Variants in PTPN4 observed in about 807,000 individuals in gnomAD.
PTPN4 encodes tyrosine-protein phosphatase non-receptor type 4.
PTPN4 carries 49 observed loss-of-function variants against 135.5 expected under a neutral mutation model. The ratio of observed to expected loss-of-function variants is 0.36; its 90% CI spans 0.29 to 0.46. The LOEUF is 0.46. Ranked by LOEUF, PTPN4 falls within the 20% of genes least tolerant of loss-of-function variation. The pLI is 1.00. For synonymous variants in PTPN4, 333 were observed against 369.9 expected (o/e 0.90, Z 1.14); for missense variants, 860 against 1,101.0 (o/e 0.78, Z 3.10).
chr2:119,904,163 A>G (rs545353488), intron 10 of PTPN4, among the ~76,000 whole-genome samples: 11 of 152,320 alleles, frequency 7.2e-5, no homozygotes, highest in African/African-American at 2.6e-4. Context: ...CAGCTTGACA[A>G]TACAGAGATA....
intron 1 of PTPN4, among the ~76,000 whole-genome samples, chr2:119,785,006 A>C (rs1473369815): frequency 6.6e-6 from 1 of 152,146 alleles, no homozygotes; most frequent in Non-Finnish European, 1.5e-5. Context: ...ACTGTTTGTT[A>C]ACAGTAGATT....
chr2:119,795,965 A>G (rs1691249412), intron 1 of PTPN4, among the ~76,000 whole-genome samples: 1 of 152,136 alleles, frequency 6.6e-6, no homozygotes, highest in Admixed American at 6.5e-5. Flanking sequence ...TGAACCCTAC[A>G]CTTGGGGCCA....
In PTPN4 at chr2:119,981,071, G is replaced by A. The variant is rs576544030; in HGVS notation, c.*4001G>A. 1.3e-5 allele frequency: 2 copies of A among 152,080 alleles called. No homozygotes were observed. Among genetic ancestry groups the A allele is most frequent in the South Asian group, 4.2e-4 (2 of 4,812 alleles). The allele number at this position is 152,080 out of a possible 1,614,324, so 9.4% of individuals were successfully genotyped here. The stretch of plus-strand genomic sequence containing the variant: ...ACATTTAAAATACTCTGATGGTAAG[G>A]TTGCCAAAGTAATTTTGAATTCATA... On this transcript the variant is annotated 3_prime_UTR_variant, in exon 27 of 27. Coordinates refer to ENST00000263708, the MANE Select transcript of PTPN4 (RefSeq NM_002830.4).
chr2:119,947,795 A>ACAC (rs1679157986), intron 18 of PTPN4, among the ~76,000 whole-genome samples: 1 of 102,090 alleles, frequency 9.8e-6, no homozygotes, highest in African/African-American at 3.3e-5. Context: ...CACACACATC[A>ACAC]GATTGTGACT....
chr2:119,857,865 C>G (rs1677704941), intron 2 of PTPN4, among the ~76,000 whole-genome samples: 1 of 152,090 alleles, frequency 6.6e-6, no homozygotes, highest in Non-Finnish European at 1.5e-5. Context: ...TTGTCCCCTC[C>G]AAATCTCATG....
chr2:119,865,221 C>T (rs1453251162), intron 3 of PTPN4, among the ~76,000 whole-genome samples: 3 of 152,016 alleles, frequency 2.0e-5, no homozygotes, highest in Non-Finnish European at 4.4e-5. Context: ...AGTTCCAATT[C>T]TAGTTGTCAA....
chr2:119,925,778 C>G (rs1475381428), intron 12 of PTPN4, among the ~76,000 whole-genome samples: 1 of 152,196 alleles, frequency 6.6e-6, no homozygotes, highest in African/African-American at 2.4e-5. Context: ...CTATTACTTT[C>G]TCCACCAGTC....
At chr2:119,862,394 G>A (rs1677773759) in intron 2 of PTPN4, 142 bp from the exon 3 acceptor site, 1 of 635,044 alleles carries the variant, frequency 1.6e-6, no homozygotes, top group East Asian at 2.8e-5. Flanking sequence ...CATTGCCAAG[G>A]CCTGATTTTT....
intron 2 of PTPN4, among the ~76,000 whole-genome samples, chr2:119,849,573 G>T (rs763110597): frequency 6.6e-6 from 1 of 152,200 alleles, no homozygotes; most frequent in Non-Finnish European, 1.5e-5. Context: ...AAAGTGTTGG[G>T]ATTAGAGGTG....
intron 13 of PTPN4, among the ~76,000 whole-genome samples, chr2:119,930,490 G>A (rs1354694377): frequency 1.3e-5 from 2 of 152,064 alleles, no homozygotes; most frequent in African/African-American, 4.8e-5. Context: ...AGAGACCTAT[G>A]GGTCATATTA....
At chr2:119,874,537 T>C (rs1031638656) in intron 3 of PTPN4, among the ~76,000 whole-genome samples, 3 of 152,226 alleles carry the variant, frequency 2.0e-5, no homozygotes, top group African/African-American at 7.2e-5. Flanking sequence ...GTTGTATGAT[T>C]CCATTCTTAC....
intron 2 of PTPN4, among the ~76,000 whole-genome samples, chr2:119,826,854 C>T (rs1193762232): frequency 6.6e-6 from 1 of 151,960 alleles, no homozygotes; most frequent in Non-Finnish European, 1.5e-5. Flanking sequence ...AGCAAGACCC[C>T]TTCTCTACAA....
chr2:119,927,255 G>A (rs537836262), intron 13 of PTPN4, among the ~76,000 whole-genome samples: 83 of 151,080 alleles, frequency 5.5e-4, no homozygotes, highest in South Asian at 1.5e-3. Flanking sequence ...CTGGGATTAC[G>A]CATGCCACCA....
intron 3 of PTPN4, among the ~76,000 whole-genome samples, chr2:119,871,607 G>T (rs1453152124): frequency 6.6e-6 from 1 of 152,020 alleles, no homozygotes; most frequent in Non-Finnish European, 1.5e-5. Context: ...TATACTTGCT[G>T]GTATGTGAAC....
chr2:119,956,963 T>G, intron 21 of PTPN4, 29 bp downstream of exon 21: 1 of 1,603,182 alleles, frequency 6.2e-7, no homozygotes, highest in Non-Finnish European at 8.5e-7. Flanking sequence ...CTGTTAAATT[T>G]AATCTTTTAA....
At chr2:119,797,422 T>C (rs1295419461) in intron 1 of PTPN4, among the ~76,000 whole-genome samples, 1 of 152,254 alleles carries the variant, frequency 6.6e-6, no homozygotes, top group Non-Finnish European at 1.5e-5. Context: ...ATGGTGACCA[T>C]CTTTTTCAGA....
chr2:119,969,837 C>T (rs142923646), intron 26 of PTPN4, among the ~76,000 whole-genome samples: 33 of 152,056 alleles, frequency 2.2e-4, no homozygotes, highest in Middle Eastern at 3.4e-3. Flanking sequence ...GGATTACAGG[C>T]GTGAGCCACC....
chr2:119,812,835 T>A (rs548184675), intron 2 of PTPN4, among the ~76,000 whole-genome samples: 3 of 152,234 alleles, frequency 2.0e-5, no homozygotes, highest in Non-Finnish European at 2.9e-5. Context: ...ACTACATGGA[T>A]TGATGTCTTC....
rs148695529 is a variant in PTPN4 at position 119,797,639 on chromosome 2, G to A, written c.-17-12198G>A. Among the ~76,000 whole-genome samples, 1,478 of 152,246 alleles carry A rather than the reference G, an allele frequency of 9.7e-3. 33 individuals carry two copies. The highest frequency in any genetic ancestry group is 0.052 in the Admixed American group (795 of 15,296). On this transcript the variant is annotated intron_variant, in intron 1 of 26. Transcript: ENST00000263708. The stretch of plus-strand genomic sequence containing the variant: ...TTTCTTGTGCTTTCTTGCTGCTGCT[G>A]CATATGGTCATGTCATTTGTCTTCT...
Sources: allele counts gnomAD v4.1 joint callset (sites outside exome capture counted in the v4.1 genomes callset), GRCh38; gene constraint gnomAD v4.1.1; transcripts MANE v1.5; gene names NCBI Gene and HGNC (gene_info 2026-07-23, HGNC 2026-07-21).